Variants in BRD10 observed in about 807,000 individuals in gnomAD.
BRD10 encodes uncharacterized bromodomain-containing protein 10.
the BRD10 span, among the ~76,000 whole-genome samples, chr9:5,995,228 T>TC: frequency 6.6e-6 from 1 of 152,144 alleles, no homozygotes; most frequent in African/African-American, 2.4e-5. Flanking sequence ...AAAAGCTTCA[T>TC]TCCATCACTT....
chr9:5,964,914 G>C, the BRD10 span, among the ~76,000 whole-genome samples: 26,569 of 108,684 alleles, frequency 0.24, 3,066 homozygotes, highest in South Asian at 0.35. Context: ...GGTGGGGTGG[G>C]GGGAGGGGGG....
the BRD10 span, chr9:5,924,921 T>G: frequency 9.7e-7 from 1 of 1,028,090 alleles, no homozygotes; most frequent in Non-Finnish European, 1.3e-6. Flanking sequence ...TTTTAACATT[T>G]TAAACTACAT....
the BRD10 span, chr9:5,908,498 A>G: frequency 2.7e-6 from 2 of 728,840 alleles, no homozygotes; most frequent in Non-Finnish European, 4.6e-6. Context: ...CAATTACTTC[A>G]CTGGGCAGAA....
the BRD10 span, chr9:5,909,902 T>A: frequency 1.3e-5 from 2 of 152,258 alleles, no homozygotes; most frequent in Admixed American, 6.5e-5. Context: ...CACTATTATT[T>A]ATCTAATATT....
the BRD10 span, chr9:6,007,290 C>T: frequency 1.2e-6 from 2 of 1,613,944 alleles, no homozygotes; most frequent in South Asian, 2.2e-5. Flanking sequence ...GGTAGCACGT[C>T]TCCAGCATCA....
chr9:5,927,558 T>A, the BRD10 span, among the ~76,000 whole-genome samples: 3 of 152,294 alleles, frequency 2.0e-5, no homozygotes, highest in South Asian at 6.2e-4. Flanking sequence ...TGAATAGACT[T>A]CTAAGACTTT....
chr9:6,004,652 A>G, the BRD10 span, among the ~76,000 whole-genome samples: 1 of 152,236 alleles, frequency 6.6e-6, no homozygotes, highest in African/African-American at 2.4e-5. Flanking sequence ...TAAGTGATTC[A>G]TTGGTTTCAT....
At chr9:5,930,347 T>C in the BRD10 span, among the ~76,000 whole-genome samples, 2 of 136,058 alleles carry the variant, frequency 1.5e-5, no homozygotes, top group Admixed American at 7.7e-5. Flanking sequence ...TGTGCATAAA[T>C]TTCCCAATAT....
chr9:5,892,668 A>G, the BRD10 span: 3 of 759,120 alleles, frequency 4.0e-6, no homozygotes, highest in Admixed American at 3.0e-5. Context: ...CTCCCCAGAC[A>G]GTAACATCCC....
At chr9:5,968,769 G>C in the BRD10 span, 1 of 1,613,896 alleles carries the variant, frequency 6.2e-7, no homozygotes, top group African/African-American at 1.3e-5. Flanking sequence ...GCCTGAAAGG[G>C]TCTCTGTTTA....
At chr9:5,934,897 C>T in the BRD10 span, among the ~76,000 whole-genome samples, 1 of 152,110 alleles carries the variant, frequency 6.6e-6, no homozygotes, top group African/African-American at 2.4e-5. Context: ...AATTATTTGA[C>T]ATTCTCCTTA....
chr9:5,955,133 C>T, the BRD10 span, among the ~76,000 whole-genome samples: 4 of 151,574 alleles, frequency 2.6e-5, no homozygotes, highest in South Asian at 8.3e-4. Context: ...TAGTTAGAAA[C>T]ACATTAAAAG....
At chr9:5,931,909 G>C in the BRD10 span, among the ~76,000 whole-genome samples, 356 of 152,222 alleles carry the variant, frequency 2.3e-3, 2 homozygotes, top group Middle Eastern at 0.014. Context: ...TGCTATTTGA[G>C]GTAAGGTGCT....
the BRD10 span, among the ~76,000 whole-genome samples, chr9:5,898,423 G>A: frequency 6.6e-6 from 1 of 152,158 alleles, no homozygotes; most frequent in Non-Finnish European, 1.5e-5. Flanking sequence ...ATCCATTCAT[G>A]AGGACAGAGC....
the BRD10 span, among the ~76,000 whole-genome samples, chr9:5,894,249 T>A: frequency 6.6e-6 from 1 of 152,106 alleles, no homozygotes. This position sits in a 1 kb window ranked among gnomAD's most constrained non-coding sequence, Gnocchi z 4.0. Flanking sequence ...TAGCCAGGTG[T>A]ACCCACAACC....
At chr9:5,967,532 G>A in the BRD10 span, among the ~76,000 whole-genome samples, 1 of 151,732 alleles carries the variant, frequency 6.6e-6, no homozygotes, top group African/African-American at 2.4e-5. Flanking sequence ...AATATATACT[G>A]AAAACATAGT....
the BRD10 span, among the ~76,000 whole-genome samples, chr9:5,976,910 A>C: frequency 6.6e-5 from 10 of 152,230 alleles, no homozygotes; most frequent in Non-Finnish European, 1.5e-5. Flanking sequence ...TGCTTGGGGA[A>C]GAAAATGAAA....
chr9:5,945,390 G>A, the BRD10 span, among the ~76,000 whole-genome samples: 1 of 152,040 alleles, frequency 6.6e-6, no homozygotes, highest in Admixed American at 6.6e-5. Flanking sequence ...CTTTGCCTTG[G>A]TTTGCTAACT....
At chr9:6,003,790 AAATT>A in the BRD10 span, among the ~76,000 whole-genome samples, 2 of 152,030 alleles carry the variant, frequency 1.3e-5, no homozygotes, top group South Asian at 2.1e-4. Context: ...AAATATTTAT[AAATT>A]ATTTATAGAT....
Sources: allele counts gnomAD v4.1 joint callset (sites outside exome capture counted in the v4.1 genomes callset), GRCh38; gene constraint gnomAD v4.1.1; non-coding constraint Gnocchi (gnomAD v3.1); transcripts MANE v1.5; gene names NCBI Gene and HGNC (gene_info 2026-07-23, HGNC 2026-07-21).